The following STK10 variants were observed in gnomAD, a reference collection of about 807,000 sequenced individuals.
STK10 encodes serine/threonine kinase 10, also known as serine/threonine-protein kinase 10.
A neutral mutation model predicts 113.8 loss-of-function variants in STK10; 78 were observed. The observed-to-expected ratio is 0.69, with a 90% confidence interval of 0.57 to 0.83. The LOEUF (loss-of-function observed/expected upper bound fraction) is 0.83, where lower values mean the gene tolerates loss of function less well. Among genes scored for constraint, STK10 ranks in the 40% least tolerant of loss-of-function variants. The pLI is 0.00. For missense variants in STK10, 1,109 were observed against 1,280.1 expected, an observed-to-expected ratio of 0.87 and a Z score of 2.04; for synonymous variants, 465 against 494.7, an observed-to-expected ratio of 0.94 and a Z score of 0.80.
At chr5:172,149,391 G>C (rs990743029) in intron 2 of STK10, among the ~76,000 whole-genome samples, 1 of 152,116 alleles carries the variant, frequency 6.6e-6, no homozygotes, top group Non-Finnish European at 1.5e-5. Context: ...TGAGCCTTAG[G>C]GTGTCTGTCC....
chr5:172,159,189 T>C (rs947066345), intron 1 of STK10, among the ~76,000 whole-genome samples: 4 of 152,018 alleles, frequency 2.6e-5, no homozygotes, highest in Non-Finnish European at 4.4e-5. Flanking sequence ...AGGACGTTGG[T>C]GGGGAATGCT....
chr5:172,112,974 C>G (rs1769272961), intron 4 of STK10, among the ~76,000 whole-genome samples: 1 of 151,290 alleles, frequency 6.6e-6, no homozygotes, highest in Non-Finnish European at 1.5e-5. Context: ...TCTCAAAATC[C>G]CGACCTCAGG....
At chr5:172,145,353 T>C (rs576509709) in intron 2 of STK10, among the ~76,000 whole-genome samples, 13 of 152,228 alleles carry the variant, frequency 8.5e-5, no homozygotes, top group African/African-American at 2.4e-4. Context: ...ACACCAGCTG[T>C]TGGAAGGCGG....
chr5:172,134,144 C>T (rs1422869126), intron 2 of STK10, among the ~76,000 whole-genome samples: 1 of 152,186 alleles, frequency 6.6e-6, no homozygotes, highest in East Asian at 1.9e-4. Context: ...TCTGTCCTCC[C>T]CTTAACAAAA....
At chr5:172,071,459 C>T (rs1768180770) in intron 12 of STK10, among the ~76,000 whole-genome samples, 1 of 151,670 alleles carries the variant, frequency 6.6e-6, no homozygotes, top group Non-Finnish European at 1.5e-5. Flanking sequence ...TCAAGCACAG[C>T]TATCTTCAGT....
intron 10 of STK10, among the ~76,000 whole-genome samples, chr5:172,083,478 T>A (rs942505903): frequency 2.0e-5 from 3 of 152,226 alleles, no homozygotes; most frequent in Non-Finnish European, 4.4e-5. Flanking sequence ...ATTTTCATGA[T>A]GTAGAAAATT....
At chr5:172,127,481 ACCCCACAGGCCC>A in intron 2 of STK10, 60 bp from the exon 3 acceptor site, 8 of 1,582,222 alleles carry the variant, frequency 5.1e-6, no homozygotes. Context: ...CGAGACGGGA[ACCCCACAGGCCC>A]ATTGGGCAGG....
intron 1 of STK10, among the ~76,000 whole-genome samples, chr5:172,172,216 C>A (rs1183613600): frequency 6.6e-6 from 1 of 152,084 alleles, no homozygotes; most frequent in Non-Finnish European, 1.5e-5. Context: ...ATGGCATGCA[C>A]AGCCCTTCGG....
intron 6 of STK10, among the ~76,000 whole-genome samples, chr5:172,106,066 G>A (rs2113763459): frequency 6.6e-6 from 1 of 152,288 alleles, no homozygotes; most frequent in Admixed American, 6.5e-5. Context: ...CTGTTCCCCA[G>A]TGGGAGCCAG....
chr5:172,155,041 T>C (rs534040620), intron 2 of STK10, among the ~76,000 whole-genome samples: 15 of 133,558 alleles, frequency 1.1e-4, no homozygotes, highest in South Asian at 2.2e-4. Flanking sequence ...TTTTTCTTAA[T>C]GGGTACATAG....
chr5:172,060,571 G>A (rs909270622), intron 14 of STK10, among the ~76,000 whole-genome samples: 1 of 152,232 alleles, frequency 6.6e-6, no homozygotes, highest in African/African-American at 2.4e-5. Flanking sequence ...AAATGTGCTG[G>A]CACCCTGACT....
intron 9 of STK10, 35 bp from the exon 10 acceptor site, chr5:172,090,397 T>C: frequency 6.2e-7 from 1 of 1,607,850 alleles, no homozygotes. Context: ...AGTCTCAGCA[T>C]TTCAGCTAAG....
At chr5:172,083,382 TATATAG>T (rs891455036) in intron 10 of STK10, among the ~76,000 whole-genome samples, 1 of 152,158 alleles carries the variant, frequency 6.6e-6, no homozygotes, top group African/African-American at 2.4e-5. Flanking sequence ...TAGAATCACC[TATATAG>T]ATATAAAATA....
rs1205810834 is a variant in STK10 at position 172,099,020 on chromosome 5, TCACCACCATCACCTTCACCAC to T, written c.871-2481_871-2461del. Among the ~76,000 whole-genome samples the T allele has an allele frequency of 6.5e-3, 957 of 146,828 alleles. 7 individuals carry two copies. Among genetic ancestry groups the T allele is most frequent in the African/African-American group, 0.023 (899 of 38,774 alleles). ...ATCATTACCATTACCATCATCATCA[TCACCACCATCACCTTCACCAC>T]CATCACCACCATCATTACCATCACC... On this transcript the variant is annotated intron_variant, in intron 7 of 18. Coordinates refer to ENST00000176763, the MANE Select transcript of STK10 (RefSeq NM_005990.4).
Position 172,156,625 on chromosome 5 carries a change from C to T in STK10, c.320G>A (p.Trp107Ter), listed in dbSNP as rs1252387408. 1 of 1,612,612 alleles carries T rather than the reference C, an allele frequency of 6.2e-7. No individual in the cohort carries two copies. The highest frequency in any genetic ancestry group is 1.3e-5 in the African/African-American group (1 of 75,064). ...LGAYYHDGKL[W>*]IMIEFCPGGA... ...GGACAGACAGGGCGGCAGCCTTACC[C>T]ACAGCTTCCCGTCGTGATAGTAGGC... Residue 107 changes from tryptophan to a stop codon, truncating the protein, a stop_gained and splice_region_variant, in exon 2 of 19, where the codon TGG becomes TAG. Transcript: ENST00000176763. LOFTEE classifies it high-confidence loss of function.
intron 7 of STK10, among the ~76,000 whole-genome samples, chr5:172,098,772 C>A (rs1391801137): frequency 6.6e-6 from 1 of 152,146 alleles, no homozygotes; most frequent in East Asian, 1.9e-4. Flanking sequence ...AGTCACTTAA[C>A]CCTGAGTCTC....
intron 4 of STK10, 185 bp from the exon 5 acceptor site, chr5:172,108,037 C>G (rs1450182173): frequency 1.8e-6 from 1 of 570,398 alleles, no homozygotes; most frequent in Admixed American, 3.2e-5. Context: ...GAACACTTTC[C>G]TCTCTACTAA....
chr5:172,082,874 A>G lies in STK10; in HGVS notation c.1809+87T>C, dbSNP rs889943991. 1 of 1,559,852 alleles carries G rather than the reference A, an allele frequency of 6.4e-7. No homozygotes were observed. The highest frequency in any genetic ancestry group is 1.4e-5 in the African/African-American group (1 of 72,270). Reference sequence around the variant, plus strand: ...CAATTGTTGTGAATTACTCTCCACTACCCAATCATTCCCACTATGTAGCTT... The same window carrying G: ...CAATTGTTGTGAATTACTCTCCACTGCCCAATCATTCCCACTATGTAGCTT... On this transcript the variant is annotated intron_variant, in intron 11 of 18. Transcript: ENST00000176763. This position sits in a 1 kb window ranked among gnomAD's most constrained non-coding sequence, Gnocchi z 4.3.
At chr5:172,118,979 T>A (rs1043269590) in intron 3 of STK10, among the ~76,000 whole-genome samples, 14 of 151,824 alleles carry the variant, frequency 9.2e-5, no homozygotes, top group Non-Finnish European at 1.5e-4. Context: ...CTTTTTTGCC[T>A]ATTAAACTTT....
Sources: allele counts gnomAD v4.1 joint callset (sites outside exome capture counted in the v4.1 genomes callset), GRCh38; gene constraint gnomAD v4.1.1; non-coding constraint Gnocchi (gnomAD v3.1); transcripts MANE v1.5; gene names NCBI Gene and HGNC (gene_info 2026-07-23, HGNC 2026-07-21).